The following DLC1 variants were observed in gnomAD, a reference collection of about 807,000 sequenced individuals.
The protein encoded by DLC1 is rho GTPase-activating protein 7.
DLC1 carries 54 observed loss-of-function variants against 140.3 expected under a neutral mutation model. The ratio of observed to expected loss-of-function variants is 0.38; its 90% CI spans 0.31 to 0.48. The LOEUF (loss-of-function observed/expected upper bound fraction) is 0.48. DLC1 is among the 20% of genes least tolerant of loss of function. The pLI is 0.96. For synonymous variants in DLC1, 986 were observed against 728.1 expected (o/e 1.35, Z -5.70); for missense variants, 2,536 against 1,907.0 (o/e 1.33, Z -6.14).
chr8:13,297,298 T>TAAAAAAAAAAAAAAAAAG (rs1831999414), intron 5 of DLC1, among the ~76,000 whole-genome samples: 1 of 7,518 alleles, frequency 1.3e-4, no homozygotes, highest in Non-Finnish European at 3.1e-4. Flanking sequence ...AAAAAAAAAC[T>TAAAAAAAAAAAAAAAAAG]GAAGCAAGTA....
rs1803762295 is a variant in DLC1, at chr8:13,549,166, A to C, written c.-125-48970T>G. On this transcript the variant is annotated intron_variant, in intron 1 of 1. Coordinates refer to the DLC1 transcript ENST00000631382. ...AAACACAGGAAGGAAATAACATCTT[A>C]AGTAGAAATTAAATCAGGTTGCTCA... is the stretch of plus-strand genomic sequence containing the variant. Among the ~76,000 whole-genome samples the C allele has an allele frequency of 2.0e-5, 3 of 152,032 alleles. No individual in the cohort carries two copies. The South Asian group carries it at 6.2e-4, about 32-fold the overall frequency.
At chr8:13,422,201 G>C (rs529243878) in intron 2 of DLC1, among the ~76,000 whole-genome samples, 2 of 152,194 alleles carry the variant, frequency 1.3e-5, no homozygotes, top group East Asian at 3.9e-4. Context: ...TATATTTAAT[G>C]AGGTTTAAAC....
intron 4 of DLC1, among the ~76,000 whole-genome samples, chr8:13,337,972 C>A (rs907840815): frequency 1.3e-5 from 2 of 152,146 alleles, no homozygotes; most frequent in South Asian, 4.1e-4. Flanking sequence ...TACTGATCCC[C>A]TATCATACGT....
chr8:13,365,667 C>T lies in DLC1; in HGVS notation c.1314+27886G>A, dbSNP rs562082610. 2.8e-3 allele frequency among the ~76,000 whole-genome samples: 419 copies of T among 152,230 alleles called. 2 individuals carry two copies. Among genetic ancestry groups the T allele is most frequent in the African/African-American group, 9.5e-3 (396 of 41,534 alleles). On this transcript the variant is annotated intron_variant, in intron 4 of 17. Transcript: ENST00000276297. ...GTGAGACGGTGCTCCTTCTGGGTTT[C>T]CAGACATGTGTCATTTCCACTGCAT...
At position 13,357,661 on chromosome 8, in the gene DLC1, G is replaced by C. The variant is rs544224490; in HGVS notation, c.1314+35892C>G. On this transcript the variant is annotated intron_variant, in intron 4 of 17. Coordinates refer to ENST00000276297, the MANE Select transcript of DLC1 (RefSeq NM_182643.3). Reference sequence around the variant, plus strand: ...TTCAAGAAATTACAAGAAGAGTGGTGAATTCTCTTTTCATGAGTCAAATCC... The same window carrying C: ...TTCAAGAAATTACAAGAAGAGTGGTCAATTCTCTTTTCATGAGTCAAATCC... 3.9e-5 allele frequency among the ~76,000 whole-genome samples: 6 copies of C among 152,302 alleles called. 1 individual carries two copies. Among genetic ancestry groups the C allele is most frequent in the Admixed American group, 3.9e-4 (6 of 15,302 alleles).
At chr8:13,411,727 G>C (rs1472880307) in intron 2 of DLC1, among the ~76,000 whole-genome samples, 1 of 152,024 alleles carries the variant, frequency 6.6e-6, no homozygotes, top group Non-Finnish European at 1.5e-5. Flanking sequence ...ACAAAATAAA[G>C]AAAATGGAAA....
At chr8:13,452,871 C>T (rs938930960) in intron 2 of DLC1, among the ~76,000 whole-genome samples, 1 of 152,162 alleles carries the variant, frequency 6.6e-6, no homozygotes, top group Admixed American at 6.5e-5. Context: ...CCCTTGTTTG[C>T]TCAGCTACCT....
At chr8:13,569,693 C>G (rs1804578613) in intron 1 of DLC1, among the ~76,000 whole-genome samples, 1 of 152,158 alleles carries the variant, frequency 6.6e-6, no homozygotes, top group Non-Finnish European at 1.5e-5. Flanking sequence ...TGTCAGCATA[C>G]AGTTCTCAGA....
At chr8:13,567,515 G>T (rs2117400439) in intron 1 of DLC1, 3 of 1,551,976 alleles carry the variant, frequency 1.9e-6, no homozygotes, top group African/African-American at 2.7e-5. Flanking sequence ...CTTTTGAACA[G>T]AATCTACTTT....
intron 5 of DLC1, among the ~76,000 whole-genome samples, chr8:13,302,859 A>T (rs114585519): frequency 6.6e-6 from 1 of 152,134 alleles, no homozygotes; most frequent in Non-Finnish European, 1.5e-5. Context: ...ATTCATAAAG[A>T]CATGAAAGAA....
Position 13,499,130 on chromosome 8 carries a change from A to G in DLC1, c.942T>C (p.Asp314=), listed in dbSNP as rs1464960345. ...CCTTTAATTGTAAACACTGCATGCC[A>G]TCTTCTGCCTTGACCTTTGGTGGAC... The part of the protein sequence containing the change: ...NKSPPKVKAE[D]GMQCLQLKET... Residue 314 remains aspartate (D), a synonymous_variant, in exon 2 of 18, where the codon GAT becomes GAC. Coordinates refer to ENST00000276297, the MANE Select transcript of DLC1 (RefSeq NM_182643.3). 1 of 1,614,152 alleles carries G rather than the reference A, an allele frequency of 6.2e-7. No homozygotes were observed. Among genetic ancestry groups the G allele is most frequent in the East Asian group, 2.2e-5 (1 of 44,876 alleles).
intron 5 of DLC1, among the ~76,000 whole-genome samples, chr8:13,267,725 G>A (rs1321607108): frequency 1.6e-5 from 2 of 126,854 alleles, no homozygotes; most frequent in Non-Finnish European, 3.2e-5. Context: ...TGTGATTCCT[G>A]AGGAGTGTGT....
intron 5 of DLC1, among the ~76,000 whole-genome samples, chr8:13,187,144 C>T (rs1826419604): frequency 9.5e-6 from 1 of 104,766 alleles, no homozygotes; most frequent in Non-Finnish European, 2.1e-5. Context: ...CACCTCTTCC[C>T]TGCTTTACTT....
chr8:13,120,951 A>T (rs901104715), intron 5 of DLC1, among the ~76,000 whole-genome samples: 4 of 152,158 alleles, frequency 2.6e-5, no homozygotes, highest in African/African-American at 4.8e-5. Flanking sequence ...GTTGAGCAAC[A>T]GTAATTGGGT....
intron 2 of DLC1, among the ~76,000 whole-genome samples, chr8:13,475,292 T>A (rs1321567827): frequency 6.6e-6 from 1 of 152,212 alleles, no homozygotes. Context: ...AGCACAGATA[T>A]CTTAATTATT....
chr8:13,421,625 A>G (rs1372939595), intron 2 of DLC1, among the ~76,000 whole-genome samples: 1 of 152,204 alleles, frequency 6.6e-6, no homozygotes, highest in African/African-American at 2.4e-5. Flanking sequence ...TGCAGGAGTT[A>G]GTCAAAACTC....
chr8:13,152,635 C>CAATAAT (rs3065360), intron 5 of DLC1, among the ~76,000 whole-genome samples: 14 of 150,734 alleles, frequency 9.3e-5, no homozygotes, highest in Admixed American at 3.3e-4. Flanking sequence ...CCACCTCTAC[C>CAATAAT]AATAATAATA....
At position 13,496,351 on chromosome 8, in the gene DLC1, A is replaced by G. The variant is rs1295581070; in HGVS notation, c.1023+2698T>C. Among the ~76,000 whole-genome samples the G allele has an allele frequency of 2.0e-5, 3 of 152,260 alleles. 1 individual carries two copies. The highest frequency in any genetic ancestry group is 1.5e-5 in the Non-Finnish European group (1 of 68,014). Reference sequence around the variant, plus strand: ...GAAAATGCCTCAGCTTATATACTAAATATTATTTTATTTTTGTGTTTCTGT... The same window carrying G: ...GAAAATGCCTCAGCTTATATACTAAGTATTATTTTATTTTTGTGTTTCTGT... On this transcript the variant is annotated intron_variant, in intron 2 of 17. Transcript: ENST00000276297.
chr8:13,092,792 T>G lies in DLC1; in HGVS notation c.3560A>C (p.Lys1187Thr), dbSNP rs779062493. The G allele has an allele frequency of 2.6e-5, 42 of 1,613,902 alleles. No homozygotes were observed. The highest frequency in any genetic ancestry group is 3.2e-5 in the Non-Finnish European group (38 of 1,179,956). Residue 1187 changes from lysine to threonine, a missense_variant, in exon 13 of 18, where the codon AAG (lysine) becomes ACG (threonine). By Grantham distance (78) the Lys-to-Thr change is moderately conservative. Transcript: ENST00000276297. Reference protein sequence around the residue: ...VPKDQRLQAIKAAIMLLPDEN... With the variant: ...VPKDQRLQAITAAIMLLPDEN... ...GTCAGGCAGCAGCATGATGGCAGCCTTGATGGCCTGCAGGCGCTGGTCCTT... is the reference window on the plus strand; with the variant it reads ...GTCAGGCAGCAGCATGATGGCAGCCGTGATGGCCTGCAGGCGCTGGTCCTT...
Sources: allele counts gnomAD v4.1 joint callset (sites outside exome capture counted in the v4.1 genomes callset), GRCh38; gene constraint gnomAD v4.1.1; transcripts MANE v1.5; gene names NCBI Gene and HGNC (gene_info 2026-07-23, HGNC 2026-07-21).